FAM184A: variants seen among roughly 807,000 people sequenced by gnomAD.
FAM184A encodes the protein protein FAM184A.
Under a neutral mutation model 143.8 loss-of-function variants are expected in FAM184A, and 99 were observed. That is an observed-to-expected ratio of 0.69 (90% CI 0.58 to 0.81). FAM184A has a LOEUF of 0.81. Among genes scored for constraint, FAM184A ranks in the 40% least tolerant of loss-of-function variants. The pLI, the probability that FAM184A is intolerant of heterozygous loss-of-function variation, is 0.00. For missense variants in FAM184A, 1,217 were observed against 1,310.5 expected, an observed-to-expected ratio of 0.93 and a Z score of 1.10; for synonymous variants, 427 against 446.4, an observed-to-expected ratio of 0.96 and a Z score of 0.55.
intron 1 of FAM184A, among the ~76,000 whole-genome samples, chr6:119,147,292 T>G (rs6928078): frequency 0.36 from 53,205 of 149,288 alleles, 9,692 homozygotes; most frequent in East Asian, 0.53. Context: ...GTGGGTCTGA[T>G]CGATGATACA....
At chr6:118,967,374 G>A (rs1245404313) in intron 14 of FAM184A, among the ~76,000 whole-genome samples, 2 of 152,130 alleles carry the variant, frequency 1.3e-5, no homozygotes, top group African/African-American at 4.8e-5. Flanking sequence ...ACAAGGCTTG[G>A]TAACATATAA....
rs560099842 is a variant in FAM184A at position 119,071,573 on chromosome 6, G to A, written c.159+6568C>T. On this transcript the variant is annotated intron_variant, in intron 1 of 17. Coordinates refer to ENST00000338891, the MANE Select transcript of FAM184A (RefSeq NM_024581.6). ...CAGTAAGTATACAGAGGAGACACAG[G>A]TTGGTTTCACCCTTATCAAAAATTT... 1.5e-3 allele frequency among the ~76,000 whole-genome samples: 229 copies of A among 152,206 alleles called. 7 individuals are homozygous for A. In the South Asian group the frequency reaches 0.043, roughly 29 times the overall value.
intron 1 of FAM184A, among the ~76,000 whole-genome samples, chr6:119,036,370 G>A (rs1786113551): frequency 6.6e-6 from 1 of 151,964 alleles, no homozygotes; most frequent in Non-Finnish European, 1.5e-5. Context: ...CTTAAGCCAA[G>A]GGCACTATAA....
chr6:119,118,457 G>A (rs1213251103), intron 1 of FAM184A, among the ~76,000 whole-genome samples: 2 of 152,134 alleles, frequency 1.3e-5, no homozygotes, highest in African/African-American at 2.4e-5. Flanking sequence ...GAGTTGTTGC[G>A]GGAAGTCAGG....
chr6:119,131,655 T>TA (rs201000778), intron 1 of FAM184A, among the ~76,000 whole-genome samples: 3 of 152,058 alleles, frequency 2.0e-5, no homozygotes, highest in East Asian at 1.9e-4. Flanking sequence ...TAGACTAATT[T>TA]AAAAAATTTT....
chr6:119,138,872 C>T (rs576703915), intron 1 of FAM184A, among the ~76,000 whole-genome samples: 1 of 152,210 alleles, frequency 6.6e-6, no homozygotes, highest in East Asian at 1.9e-4. Context: ...GGTGATCTGC[C>T]CTCTTCGGCC....
At chr6:118,962,197 A>G in intron 16 of FAM184A, 1 of 533,618 alleles carries the variant, frequency 1.9e-6, no homozygotes, top group Non-Finnish European at 3.4e-6. Flanking sequence ...AATGAGGAAG[A>G]AACATTTAGG....
At chr6:118,960,339 C>T (rs1238699959) in intron 17 of FAM184A, among the ~76,000 whole-genome samples, 155 bp from the exon 18 acceptor site, 1 of 152,170 alleles carries the variant, frequency 6.6e-6, no homozygotes, top group Admixed American at 6.5e-5. Context: ...ATACTAGAAT[C>T]GGTTCTCCAC....
chr6:119,011,066 G>A, intron 6 of FAM184A: 1 of 355,978 alleles, frequency 2.8e-6, no homozygotes, highest in Non-Finnish European at 5.0e-6. Context: ...TTTCCTATGT[G>A]GTGATATTCT....
At chr6:119,025,589 T>G (rs1290085080) in intron 1 of FAM184A, 1 of 518,986 alleles carries the variant, frequency 1.9e-6, no homozygotes, top group Admixed American at 1.9e-5. Context: ...TGTCCCAACC[T>G]TAATTTCAAA....
chr6:118,969,708 C>T lies in FAM184A; in HGVS notation c.2916-2756G>A, dbSNP rs189729844. ...CTCTGGGATACATGTGCAGAACATGCAGGTTTGTTACACAGGTATACATGG... is the reference window on the plus strand; with the variant it reads ...CTCTGGGATACATGTGCAGAACATGTAGGTTTGTTACACAGGTATACATGG... On this transcript the variant is annotated intron_variant, in intron 14 of 17. Transcript: ENST00000338891. Among the ~76,000 whole-genome samples the T allele has an allele frequency of 1.7e-3, 262 of 151,562 alleles. 1 individual carries two copies. Among genetic ancestry groups the T allele is most frequent in the Middle Eastern group, 0.01 (3 of 292 alleles).
chr6:118,960,957 T>A (rs1278228798), intron 17 of FAM184A: 4 of 544,296 alleles, frequency 7.3e-6, no homozygotes, highest in Non-Finnish European at 1.1e-5. Flanking sequence ...TCATTCTTGC[T>A]ATTTTTTTTG....
At chr6:119,142,140 A>G (rs1448555496) in intron 1 of FAM184A, among the ~76,000 whole-genome samples, 1 of 152,174 alleles carries the variant, frequency 6.6e-6, no homozygotes, top group East Asian at 1.9e-4. Context: ...TCTATTTTGT[A>G]TGCCCCAGCT....
At chr6:119,063,121 G>A (rs1235080820) in intron 1 of FAM184A, among the ~76,000 whole-genome samples, 1 of 152,124 alleles carries the variant, frequency 6.6e-6, no homozygotes, top group African/African-American at 2.4e-5. Flanking sequence ...GTAAATAGGA[G>A]AATATTGGTA....
In FAM184A at chr6:118,991,123, T is replaced by C. The variant is rs369478807; in HGVS notation, c.2089-10773A>G. Among the ~76,000 whole-genome samples the C allele has an allele frequency of 3.4e-4, 51 of 151,998 alleles. No homozygotes were observed. The East Asian group carries it at 6.6e-3, about 20-fold the overall frequency. On this transcript the variant is annotated intron_variant, in intron 9 of 17. Transcript: ENST00000338891. ...GATAGGGAATGACTGGAGGAGATAT[T>C]GAGTTGATGGTAAGAAAAGATATTT...
intron 1 of FAM184A, among the ~76,000 whole-genome samples, chr6:119,091,433 C>T (rs769692707): frequency 1.6e-4 from 25 of 152,112 alleles, no homozygotes; most frequent in Non-Finnish European, 2.6e-4. Flanking sequence ...CCAAACTAGC[C>T]GATCTCTAAA....
chr6:119,102,071 AAAAT>A (rs1158223191), intron 1 of FAM184A, among the ~76,000 whole-genome samples: 1 of 152,168 alleles, frequency 6.6e-6, no homozygotes, highest in Non-Finnish European at 1.5e-5. Context: ...AATAAAAATA[AAAAT>A]AAATAAAGTA....
At chr6:119,089,131 C>G (rs995611027) in intron 1 of FAM184A, among the ~76,000 whole-genome samples, 3 of 151,256 alleles carry the variant, frequency 2.0e-5, no homozygotes, top group African/African-American at 7.3e-5. Flanking sequence ...AATCTTCCCA[C>G]CCTCGGCCTC....
intron 3 of FAM184A, 56 bp downstream of exon 3, chr6:119,022,889 T>C: frequency 1.2e-6 from 2 of 1,603,652 alleles, no homozygotes; most frequent in African/African-American, 2.7e-5. Flanking sequence ...AAAAAATAAA[T>C]AAATAAAGTG....
Sources: gnomAD v4.1 joint callset for allele counts (sites outside exome capture counted in the v4.1 genomes callset) on GRCh38, gnomAD v4.1.1 for gene constraint, MANE v1.5 for transcripts, NCBI Gene and HGNC (gene_info 2026-07-23, HGNC 2026-07-21) for gene names.